CCDC22: variants seen among roughly 807,000 people sequenced by gnomAD.
CCDC22 encodes the protein coiled-coil domain-containing protein 22.
CCDC22 carries 4 observed loss-of-function variants against 53.1 expected under a neutral mutation model. The observed-to-expected ratio is 0.08, with a 90% CI of 0.04 to 0.17. The LOEUF is 0.17. CCDC22 is among the 10% of genes least tolerant of loss of function. CCDC22 has a pLI of 1.00. For synonymous variants in CCDC22, 222 were observed against 224.4 expected, an observed-to-expected ratio of 0.99 and a Z score of 0.10; for missense variants, 458 against 554.0, an observed-to-expected ratio of 0.83 and a Z score of 1.74.
At chrX:49,243,685 G>T (rs59677525) in intron 6 of CCDC22, among the ~76,000 whole-genome samples, 1 of 112,475 alleles carries the variant, frequency 8.9e-6, no homozygotes, top group African/African-American at 3.2e-5. Flanking sequence ...GCTAAAATTT[G>T]GGGTAGTAAT....
intron 5 of CCDC22, 44 bp from the exon 6 acceptor site, chrX:49,243,240 C>G (rs376665486): frequency 7.5e-6 from 9 of 1,196,240 alleles, no homozygotes; most frequent in African/African-American, 3.5e-5. Context: ...AACCTCATAG[C>G]GTTGCCATGC....
intron 2 of CCDC22, among the ~76,000 whole-genome samples, 165 bp from the exon 3 acceptor site, chrX:49,241,851 A>C (rs889482846): frequency 9.0e-6 from 1 of 111,516 alleles, no homozygotes; most frequent in Non-Finnish European, 1.9e-5. Flanking sequence ...AGCGTTGACT[A>C]TCATCACTCT....
chrX:49,247,788 C>A lies in CCDC22; in HGVS notation c.1092+20C>A. Reference sequence around the variant, plus strand: ...GTGCAGGTAAGGGGCGGAGGAGGGGCTGCGCGTTGGGCTAGGTCAGAAGGA... The same window carrying A: ...GTGCAGGTAAGGGGCGGAGGAGGGGATGCGCGTTGGGCTAGGTCAGAAGGA... On this transcript the variant is annotated intron_variant, in intron 9 of 16. Coordinates refer to ENST00000376227, the MANE Select transcript of CCDC22 (RefSeq NM_014008.5). 1 of 1,210,056 alleles carries A rather than the reference C, an allele frequency of 8.3e-7. No individual in the cohort carries two copies. The highest frequency in any genetic ancestry group is 1.1e-6 in the Non-Finnish European group (1 of 894,646).
Position 49,243,312 on chromosome X carries a change from G to T in CCDC22, c.564G>T (p.Leu188=). 1 of 1,203,609 alleles carries T rather than the reference G, an allele frequency of 8.3e-7. No homozygotes were observed. Among genetic ancestry groups the T allele is most frequent in the Admixed American group, 2.2e-5 (1 of 45,220 alleles). The change falls in exon 6 of 17, where the codon CTG becomes CTT. Residue 188 remains leucine, a synonymous_variant. Transcript: ENST00000376227. ...GEPREFQASP[L]LLPVPTQVPQ... Reference sequence around the variant, plus strand: ...CACGGGAGTTCCAGGCGAGTCCCCTGCTGCTTCCAGTCCCTACCCAGGTGC... The same window carrying T: ...CACGGGAGTTCCAGGCGAGTCCCCTTCTGCTTCCAGTCCCTACCCAGGTGC...
At position 49,236,294 on chromosome X, in the gene CCDC22, G is replaced by A. The variant is rs782575985; in HGVS notation, c.50+608G>A. Among the ~76,000 whole-genome samples the A allele has an allele frequency of 9.3e-5, 10 of 107,499 alleles. No homozygotes were observed. In the South Asian group the frequency reaches 1.7e-3, roughly 18 times the overall value. The allele number at this position is 107,499 out of a possible 115,157, so 93.3% of individuals were successfully genotyped here. ...GTGATCTCAGCTCACTGCAGCCTCC[G>A]CCTCCCAGGTTCAAGTGATTCTCCT... On this transcript the variant is annotated intron_variant, in intron 1 of 16. Transcript: ENST00000376227.
At chrX:49,245,662 C>T (rs921683393) in intron 6 of CCDC22, among the ~76,000 whole-genome samples, 2 of 112,570 alleles carry the variant, frequency 1.8e-5, no homozygotes, top group Admixed American at 9.4e-5. Flanking sequence ...TGAGCCACCA[C>T]GCCTGGCTGT....
intron 9 of CCDC22, 118 bp from the exon 10 acceptor site, chrX:49,248,073 C>A: frequency 8.6e-7 from 1 of 1,158,734 alleles, no homozygotes; most frequent in East Asian, 3.1e-5. Context: ...AGGGGGTCCT[C>A]GGGGTCCTTG....
chrX:49,243,707 C>T (rs2065975412), intron 6 of CCDC22, among the ~76,000 whole-genome samples: 1 of 112,825 alleles, frequency 8.9e-6, no homozygotes, highest in Admixed American at 9.3e-5. Context: ...GTGCTCTCCT[C>T]TCAGGGCAGT....
At chrX:49,239,067 C>T (rs782510259) in intron 2 of CCDC22, among the ~76,000 whole-genome samples, 1 of 111,549 alleles carries the variant, frequency 9.0e-6, no homozygotes, top group East Asian at 2.8e-4. Context: ...CCTCCTCCGC[C>T]TCCTGGGTTC....
At chrX:49,249,979 G>A (rs919766351) in intron 16 of CCDC22, among the ~76,000 whole-genome samples, 169 bp from the exon 17 acceptor site, 1 of 112,875 alleles carries the variant, frequency 8.9e-6, no homozygotes, top group African/African-American at 3.2e-5. Flanking sequence ...CTGCCACATG[G>A]CGAAGGATGC....
intron 1 of CCDC22, among the ~76,000 whole-genome samples, 175 bp downstream of exon 1, chrX:49,235,861 A>ACACACACACACACACACG (rs1317193784): frequency 2.8e-4 from 30 of 105,778 alleles, no homozygotes; most frequent in African/African-American, 1.1e-3. Context: ...ACACACACAC[A>ACACACACACACACACACG]CACGCACACA....
chrX:49,246,621 T>G, intron 6 of CCDC22, 110 bp from the exon 7 acceptor site: 2 of 614,307 alleles, frequency 3.3e-6, no homozygotes, highest in Non-Finnish European at 4.8e-6. Context: ...GGCTGGAGGG[T>G]GGGGGTGACT....
chrX:49,247,620 C>A (rs781956645), intron 8 of CCDC22, 29 bp from the exon 9 acceptor site: 2 of 1,184,225 alleles, frequency 1.7e-6, no homozygotes, highest in Admixed American at 4.8e-5. Flanking sequence ...GGCCTGACAC[C>A]CCAACCCTGA....
chrX:49,249,127 GC>G, intron 13 of CCDC22, 39 bp from the exon 14 acceptor site: 1 of 1,169,866 alleles, frequency 8.5e-7, no homozygotes, highest in Non-Finnish European at 1.2e-6. Flanking sequence ...TAGCCAGCCT[GC>G]CCCAGGCAGG....
Position 49,243,459 on chromosome X carries a change from C to T in CCDC22, c.711C>T (p.Pro237=), listed in dbSNP as rs1417038559. 6.1e-6 allele frequency: 7 copies of T among 1,156,182 alleles called. No homozygotes were observed. Among genetic ancestry groups the T allele is most frequent in the Middle Eastern group, 2.5e-4 (1 of 3,926 alleles). ...DWVHRTSRLP[P]QEDTRAQRQR... is the part of the protein sequence containing the mutation. ...TCCACCGGACATCCCGCCTCCCACC[C>T]CAGGTACAGCCAGATGCCTGGCTCC... The change falls in exon 6 of 17, where the codon CCC becomes CCT. Residue 237 remains proline (P), a synonymous_variant. Transcript: ENST00000376227.
intron 2 of CCDC22, among the ~76,000 whole-genome samples, 191 bp from the exon 3 acceptor site, chrX:49,241,825 G>A (rs1300764806): frequency 9.0e-6 from 1 of 111,706 alleles, no homozygotes; most frequent in Non-Finnish European, 1.9e-5. Context: ...CTTTAATCTT[G>A]TTTCTTGTTC....
In CCDC22 at chrX:49,237,330, T is replaced by TTGCAACACTTGCCTTTCCTC. The variant is rs782252827; in HGVS notation, c.228+110_228+129dup. The TTGCAACACTTGCCTTTCCTC allele has an allele frequency of 3.9e-4, 386 of 992,684 alleles. 1 individual carries two copies. Among genetic ancestry groups the TTGCAACACTTGCCTTTCCTC allele is most frequent in the Middle Eastern group, 1.0e-3 (3 of 2,900 alleles). 81.8% of individuals were successfully genotyped at this position (992,684 alleles called of 1,213,427 possible). ...TCTTTTACAAAGTAACCAAGTTCCT[T>TTGCAACACTTGCCTTTCCTC]TGCAACACTTGCCTTTCCTCTGCAA... is the stretch of plus-strand genomic sequence containing the variant. On this transcript the variant is annotated intron_variant, in intron 2 of 16. Coordinates refer to ENST00000376227, the MANE Select transcript of CCDC22 (RefSeq NM_014008.5).
intron 2 of CCDC22, among the ~76,000 whole-genome samples, chrX:49,240,545 C>G (rs1344089955): frequency 3.6e-5 from 4 of 111,768 alleles, no homozygotes; most frequent in African/African-American, 1.3e-4. Flanking sequence ...CAGAGCAAGA[C>G]TCTTGTTTCC....
chrX:49,241,939 C>T, intron 2 of CCDC22, 77 bp from the exon 3 acceptor site: 2 of 1,113,023 alleles, frequency 1.8e-6, no homozygotes, highest in Non-Finnish European at 2.5e-6. Context: ...AAAGTGGGAG[C>T]GTTTTCAGCC....
Sources: gnomAD v4.1 joint callset for allele counts (sites outside exome capture counted in the v4.1 genomes callset) on GRCh38, gnomAD v4.1.1 for gene constraint, MANE v1.5 for transcripts, NCBI Gene and HGNC (gene_info 2026-07-23, HGNC 2026-07-21) for gene names.